The following BTBD7 variants were observed in gnomAD, a reference collection of about 807,000 sequenced individuals.
BTBD7 encodes the protein BTB/POZ domain-containing protein 7.
In BTBD7, 38 loss-of-function variants were observed where a neutral mutation model predicts 99.9. The observed-to-expected ratio is 0.38, with a 90% confidence interval of 0.29 to 0.50. The LOEUF (loss-of-function observed/expected upper bound fraction) is 0.50. Ranked by LOEUF, BTBD7 falls within the 20% of genes least tolerant of loss-of-function variation. The pLI is 0.93. For missense variants in BTBD7, 1,170 were observed against 1,394.6 expected, an observed-to-expected ratio of 0.84 and a Z score of 2.57; for synonymous variants, 520 against 511.4, an observed-to-expected ratio of 1.02 and a Z score of -0.23.
chr14:93,277,176 A>T lies in BTBD7; in HGVS notation c.1163-13183T>A, dbSNP rs552835395. Among the ~76,000 whole-genome samples, 65 of 152,302 alleles carry T rather than the reference A, an allele frequency of 4.3e-4. 1 individual carries two copies. The South Asian group carries it at 0.013, about 30-fold the overall frequency. On this transcript the variant is annotated intron_variant, in intron 3 of 10. Transcript: ENST00000334746. ...CTTGGCCTCCCAAAGTGCTGGGATT[A>T]CAGGTGTGAGCCACTGTGCCCGGCT...
intron 4 of BTBD7, 71 bp downstream of exon 4, chr14:93,263,714 G>C (rs981126066): frequency 7.1e-7 from 1 of 1,412,436 alleles, no homozygotes; most frequent in Non-Finnish European, 1.0e-6. Flanking sequence ...AGATGGAAGA[G>C]TAATAGAGCA....
At chr14:93,244,855 C>CTTTTTT (rs58775665) in intron 10 of BTBD7, among the ~76,000 whole-genome samples, 4 of 107,422 alleles carry the variant, frequency 3.7e-5, no homozygotes, top group Non-Finnish European at 5.5e-5. Context: ...TCTTACAAAT[C>CTTTTTT]TTTTTTTTTT....
intron 6 of BTBD7, among the ~76,000 whole-genome samples, chr14:93,254,869 C>T (rs187651220): frequency 7.9e-5 from 12 of 152,238 alleles, no homozygotes; most frequent in African/African-American, 2.4e-4. Flanking sequence ...GTGTTAGGCA[C>T]GGAGTTAAGA....
intron 1 of BTBD7, among the ~76,000 whole-genome samples, chr14:93,324,279 A>AT (rs1333881184): frequency 1.3e-5 from 2 of 151,978 alleles, no homozygotes; most frequent in African/African-American, 2.4e-5. Context: ...TCTACAAATA[A>AT]TTTTTTTAAA....
intron 1 of BTBD7, among the ~76,000 whole-genome samples, chr14:93,304,455 G>C (rs1226375662): frequency 6.6e-6 from 1 of 152,178 alleles, no homozygotes; most frequent in Non-Finnish European, 1.5e-5. Context: ...AGGTTCGAGC[G>C]ATTCTCCTGC....
chr14:93,258,705 C>T (rs1035869873), intron 5 of BTBD7, among the ~76,000 whole-genome samples: 1 of 152,146 alleles, frequency 6.6e-6, no homozygotes, highest in African/African-American at 2.4e-5. Flanking sequence ...CTGCCTCAGC[C>T]TCCCAAGTAG....
At chr14:93,249,753 C>T (rs367860678) in intron 8 of BTBD7, among the ~76,000 whole-genome samples, 5 of 151,640 alleles carry the variant, frequency 3.3e-5, no homozygotes, top group African/African-American at 7.3e-5. Flanking sequence ...AAAAGTATGC[C>T]GGCCGACAAG....
chr14:93,294,441 G>A lies in BTBD7; in HGVS notation c.579C>T (p.Pro193=). 1 of 1,614,090 alleles carries A rather than the reference G, an allele frequency of 6.2e-7. No homozygotes were observed. The highest frequency in any genetic ancestry group is 8.5e-7 in the Non-Finnish European group (1 of 1,180,028). ...GGTAGTGTAACAAAGCAGAAAACAT[G>A]GGCATATCAATACCAGCTGTATTGA... ...MDINTAGIDM[P]MFSALLHYLY... The change falls in exon 3 of 11, where the codon CCC becomes CCT. Residue 193 remains proline (P), a synonymous_variant. Transcript: ENST00000334746.
intron 1 of BTBD7, among the ~76,000 whole-genome samples, chr14:93,326,314 A>G (rs926590977): frequency 1.3e-5 from 2 of 152,120 alleles, no homozygotes; most frequent in African/African-American, 2.4e-5. Flanking sequence ...AAAAAGTACA[A>G]AAGTTAGCCA....
chr14:93,294,894 CT>C lies in BTBD7; in HGVS notation c.125del (p.Lys42SerfsTer60). On this transcript the variant is annotated frameshift_variant, in exon 3 of 11. Coordinates refer to ENST00000334746, the MANE Select transcript of BTBD7 (RefSeq NM_001002860.4). LOFTEE classifies it high-confidence loss of function. ...CATGGCCATGGTCAAGGCTATACAA[CT>C]TTGATTCGCAACCATAGCCTTGCTG... ...YSQQGYGCESKLYSLDHGHEK... is the reference protein window; with the variant it reads ...YSQQGYGCESXLYSLDHGHEK... 1 of 1,606,476 alleles carries C rather than the reference CT, an allele frequency of 6.2e-7. No individual in the cohort carries two copies. The highest frequency in any genetic ancestry group is 8.5e-7 in the Non-Finnish European group (1 of 1,178,210).
intron 3 of BTBD7, among the ~76,000 whole-genome samples, chr14:93,281,294 G>A (rs933332192): frequency 1.3e-5 from 2 of 151,490 alleles, no homozygotes; most frequent in African/African-American, 2.4e-5. Flanking sequence ...GAGCCGCTGT[G>A]CCCTAATTTT....
At chr14:93,313,658 T>A (rs1399452520) in intron 1 of BTBD7, among the ~76,000 whole-genome samples, 1 of 151,142 alleles carries the variant, frequency 6.6e-6, no homozygotes, top group Non-Finnish European at 1.5e-5. Context: ...TCTGAATTTT[T>A]GACTTATCCT....
intron 1 of BTBD7, among the ~76,000 whole-genome samples, chr14:93,313,556 C>T (rs1054194636): frequency 5.3e-5 from 8 of 151,776 alleles, no homozygotes; most frequent in African/African-American, 9.7e-5. Context: ...ATGCAACAAT[C>T]GAATAATTTT....
rs1392877354 is a variant in BTBD7 at position 93,239,622 on chromosome 14, G to A, written c.*2651C>T. ...AAAGTCCACTAACACCTAACCTAAC[G>A]CACACAAAACCCACGCCTGTTTACC... On this transcript the variant is annotated 3_prime_UTR_variant, in exon 11 of 11. Transcript: ENST00000334746. 6.6e-6 allele frequency: 1 copy of A among 152,234 alleles called. No homozygotes were observed. The highest frequency in any genetic ancestry group is 1.5e-5 in the Non-Finnish European group (1 of 67,984). 9.4% of individuals were successfully genotyped at this position (152,234 alleles called of 1,614,324 possible).
intron 8 of BTBD7, among the ~76,000 whole-genome samples, chr14:93,249,386 T>C (rs1326872214): frequency 1.3e-5 from 2 of 150,318 alleles, no homozygotes; most frequent in Non-Finnish European, 2.9e-5. Flanking sequence ...GGTTCAGAGC[T>C]GTAAGCAGGA....
chr14:93,273,865 C>T (rs80067846), intron 3 of BTBD7, among the ~76,000 whole-genome samples: 3,279 of 151,650 alleles, frequency 0.022, 59 homozygotes, highest in Non-Finnish European at 0.034. Flanking sequence ...AATGGTAAGA[C>T]CTGGCTATAT....
rs572984971 is a variant in BTBD7, at chr14:93,294,760, C to T, written c.260G>A (p.Arg87Gln). 11 of 1,613,916 alleles carry T rather than the reference C, an allele frequency of 6.8e-6. No individual in the cohort carries two copies. The Admixed American group carries it at 1.0e-4, about 15-fold the overall frequency. Residue 87 changes from arginine (R) to glutamine (Q), a missense_variant, in exon 3 of 11, where the codon CGA (arginine) becomes CAA (glutamine). Transcript: ENST00000334746. Reference protein sequence around the residue: ...NRSADHAKQMRELLSGWDVRD... With the variant: ...NRSADHAKQMQELLSGWDVRD... ...AACATCCCACCCAGAGAGGAGTTCT[C>T]GCATCTGCTTGGCATGATCGGCAGA...
intron 3 of BTBD7, among the ~76,000 whole-genome samples, chr14:93,266,536 G>A (rs1178972215): frequency 2.6e-5 from 4 of 151,782 alleles, no homozygotes; most frequent in African/African-American, 9.7e-5. Context: ...GAAACAGACA[G>A]ATGTTAAAAG....
chr14:93,306,855 T>C (rs2053076523), intron 1 of BTBD7, among the ~76,000 whole-genome samples: 1 of 152,206 alleles, frequency 6.6e-6, no homozygotes, highest in African/African-American at 2.4e-5. Flanking sequence ...TAAAGTATTT[T>C]ATTATCTAAG....
Sources: gnomAD v4.1 joint callset for allele counts (sites outside exome capture counted in the v4.1 genomes callset) on GRCh38, gnomAD v4.1.1 for gene constraint, MANE v1.5 for transcripts, NCBI Gene and HGNC (gene_info 2026-07-23, HGNC 2026-07-21) for gene names.